GAS7: variants seen among roughly 807,000 people sequenced by gnomAD.
GAS7 encodes growth arrest specific 7, also known as growth arrest-specific protein 7.
In GAS7, 28 loss-of-function variants were observed where a neutral mutation model predicts 71.1. The observed-to-expected ratio is 0.39, with a 90% CI of 0.29 to 0.54. The LOEUF is 0.54. GAS7 is among the 20% of genes least tolerant of loss of function. The pLI, the probability that GAS7 is intolerant of heterozygous loss-of-function variation, is 0.62. For missense variants in GAS7, 436 were observed against 627.8 expected, an observed-to-expected ratio of 0.69 and a Z score of 3.27; for synonymous variants, 258 against 245.8, an observed-to-expected ratio of 1.05 and a Z score of -0.46.
intron 1 of GAS7, among the ~76,000 whole-genome samples, chr17:10,075,488 T>A (rs1050640388): frequency 3.9e-5 from 6 of 152,080 alleles, no homozygotes; most frequent in Non-Finnish European, 5.9e-5. Flanking sequence ...CTGAATATAT[T>A]ATAACACAGT....
chr17:10,008,675 T>C (rs2152184467), intron 2 of GAS7, among the ~76,000 whole-genome samples: 1 of 152,282 alleles, frequency 6.6e-6, no homozygotes, highest in South Asian at 2.1e-4. Flanking sequence ...AGCGGATTAA[T>C]AGGAAGCTTT....
At chr17:9,920,778 T>G (rs2067776574) in intron 11 of GAS7, among the ~76,000 whole-genome samples, 1 of 152,228 alleles carries the variant, frequency 6.6e-6, no homozygotes, top group Non-Finnish European at 1.5e-5. Context: ...TTGCTCACGA[T>G]GGAAAAAGCT....
intron 11 of GAS7, among the ~76,000 whole-genome samples, chr17:9,923,738 A>T (rs964807543): frequency 6.6e-6 from 1 of 152,264 alleles, no homozygotes; most frequent in Non-Finnish European, 1.5e-5. Flanking sequence ...ATATCCATCA[A>T]GACGAATAAT....
chr17:10,000,819 C>A (rs568858943), intron 2 of GAS7, among the ~76,000 whole-genome samples: 1 of 152,158 alleles, frequency 6.6e-6, no homozygotes, highest in African/African-American at 2.4e-5. Flanking sequence ...CTGTCTTCTC[C>A]GTACCTTTCT....
chr17:10,193,306 A>G (rs2142157066), intron 1 of GAS7, among the ~76,000 whole-genome samples: 1 of 150,884 alleles, frequency 6.6e-6, no homozygotes, highest in East Asian at 1.9e-4. Context: ...TAGAGGTAGA[A>G]CTGCCAAGTC....
intron 1 of GAS7, among the ~76,000 whole-genome samples, chr17:10,116,421 T>C (rs917997340): frequency 1.3e-5 from 2 of 152,146 alleles, no homozygotes; most frequent in African/African-American, 4.8e-5. Context: ...CCAGAGTACC[T>C]GGCTGCTGCA....
rs369835037 is a variant in GAS7 at position 10,188,527 on chromosome 17, T to C, written c.183+9681A>G. ...ATTTCCTTACACCCTGCCAATACCA[T>C]TTTTTTTTTACATATTTCTGTCTTC... is the stretch of plus-strand genomic sequence containing the variant. On this transcript the variant is annotated intron_variant, in intron 1 of 13. Coordinates refer to ENST00000432992, the MANE Select transcript of GAS7 (RefSeq NM_201433.2). Among the ~76,000 whole-genome samples the C allele has an allele frequency of 4.0e-5, 6 of 149,838 alleles. No individual in the cohort carries two copies. In the East Asian group the frequency reaches 5.9e-4, roughly 15 times the overall value.
intron 10 of GAS7, 61 bp from the exon 11 acceptor site, chr17:9,925,660 C>CG: frequency 1.3e-6 from 2 of 1,591,524 alleles, no homozygotes; most frequent in Non-Finnish European, 1.7e-6. Flanking sequence ...GCCTCCTGGG[C>CG]CACGCAGCCC....
chr17:10,105,803 C>G (rs1294947737), intron 1 of GAS7, among the ~76,000 whole-genome samples: 1 of 152,186 alleles, frequency 6.6e-6, no homozygotes, highest in African/African-American at 2.4e-5. Flanking sequence ...TACCCCACCT[C>G]TCCACCCCAA....
Position 10,019,776 on chromosome 17 carries a change from C to T in GAS7, c.304+1G>A. The T allele has an allele frequency of 6.2e-7, 1 of 1,613,388 alleles. No homozygotes were observed. The highest frequency in any genetic ancestry group is 8.5e-7 in the Non-Finnish European group (1 of 1,179,692). ...AGGATTCTCCCCCGAGCGGGACTCA[C>T]CATTGGTGGTCGTGTTGACATAGTA... On this transcript the variant is annotated splice_donor_variant, in intron 2 of 13. Coordinates refer to ENST00000432992, the MANE Select transcript of GAS7 (RefSeq NM_201433.2). LOFTEE classifies it high-confidence loss of function.
intron 1 of GAS7, among the ~76,000 whole-genome samples, chr17:10,050,210 T>A (rs1278041000): frequency 6.6e-6 from 1 of 152,150 alleles, no homozygotes; most frequent in African/African-American, 2.4e-5. Flanking sequence ...ACATTTGACA[T>A]CCCCTAAAAT....
chr17:10,049,609 C>CTTTTTT lies in GAS7; in HGVS notation c.184-29718_184-29713dup, dbSNP rs1168627510. Among the ~76,000 whole-genome samples, 34 of 70,392 alleles carry CTTTTTT rather than the reference C, an allele frequency of 4.8e-4. 3 individuals are homozygous for CTTTTTT. The highest frequency in any genetic ancestry group is 2.7e-3 in the South Asian group (4 of 1,500). 46.2% of individuals were successfully genotyped at this position (70,392 alleles called of 152,430 possible). On this transcript the variant is annotated intron_variant, in intron 1 of 13. Transcript: ENST00000432992. ...TTTAAAACGTGTTTTGAAATTACTT[C>CTTTTTT]TTTTTTTTTTTTTTTTTTTTTTTTT...
intron 1 of GAS7, among the ~76,000 whole-genome samples, chr17:10,109,656 C>T (rs910854954): frequency 2.0e-5 from 3 of 152,228 alleles, no homozygotes; most frequent in Non-Finnish European, 2.9e-5. Context: ...CAGTGGCTCA[C>T]GCCTGTAATT....
At chr17:10,065,300 C>T (rs1366259097) in intron 1 of GAS7, among the ~76,000 whole-genome samples, 1 of 152,206 alleles carries the variant, frequency 6.6e-6, no homozygotes, top group Non-Finnish European at 1.5e-5. Flanking sequence ...TTTCTAAAAA[C>T]CTTCCTTTGG....
At chr17:10,151,964 G>A (rs2074170049) in intron 1 of GAS7, among the ~76,000 whole-genome samples, 1 of 152,174 alleles carries the variant, frequency 6.6e-6, no homozygotes, top group Admixed American at 6.5e-5. Flanking sequence ...AGAGAGCCAG[G>A]ACTTTCAGTT....
At chr17:9,995,540 C>A (rs1184164832) in intron 2 of GAS7, among the ~76,000 whole-genome samples, 20 of 143,212 alleles carry the variant, frequency 1.4e-4, no homozygotes, top group East Asian at 8.7e-4. Context: ...TGATCAATAA[C>A]AAAAAAAAAA....
intron 1 of GAS7, among the ~76,000 whole-genome samples, chr17:10,021,447 G>A: frequency 6.6e-6 from 1 of 152,230 alleles, no homozygotes; most frequent in South Asian, 2.1e-4. Context: ...GCTGCTCGGG[G>A]ACTTTGAGTA....
At chr17:9,949,134 T>C (rs886900097) in intron 5 of GAS7, among the ~76,000 whole-genome samples, 3 of 151,790 alleles carry the variant, frequency 2.0e-5, no homozygotes, top group Non-Finnish European at 2.9e-5. Flanking sequence ...AGCATCTGCT[T>C]TGGGCAGGGG....
chr17:10,127,735 C>A (rs1376957208), intron 1 of GAS7, among the ~76,000 whole-genome samples: 1 of 152,204 alleles, frequency 6.6e-6, no homozygotes, highest in African/African-American at 2.4e-5. Context: ...CAGTCTCTGT[C>A]CCCCTAAACC....
Sources: allele counts gnomAD v4.1 joint callset (sites outside exome capture counted in the v4.1 genomes callset), GRCh38; gene constraint gnomAD v4.1.1; transcripts MANE v1.5; gene names NCBI Gene and HGNC (gene_info 2026-07-23, HGNC 2026-07-21).